Variants in PCAT6 observed in about 807,000 individuals in gnomAD.
PCAT6 encodes the protein prostate cancer associated transcript 6.
exon 1 of PCAT6, chr1:202,811,145 A>G (rs1658541123): frequency 2.5e-6 from 1 of 395,512 alleles, no homozygotes; most frequent in East Asian, 3.6e-5. Flanking sequence ...ACTCTTGGAC[A>G]ACACTCCGCC....
chr1:202,811,284 C>G lies in PCAT6; in HGVS notation n.402C>G, dbSNP rs1002589240. Reference sequence around the variant, plus strand: ...CAGACCTCACGTCAACCGGCTGCACCCCACTTTCCAGCCTGCGCCCCAGAT... The same window carrying G: ...CAGACCTCACGTCAACCGGCTGCACGCCACTTTCCAGCCTGCGCCCCAGAT... On this transcript the variant is annotated non_coding_transcript_exon_variant, in exon 1 of 1. Transcript: ENST00000686658. The G allele has an allele frequency of 2.8e-4, 112 of 399,262 alleles. 1 individual carries two copies. In the East Asian group the frequency reaches 4.0e-3, roughly 14 times the overall value. The allele number at this position is 399,262 out of a possible 1,614,324, so 24.7% of individuals were successfully genotyped here. A position where few individuals can be genotyped will look rare whatever the true frequency, so the allele number is the denominator to read the frequency against.
At chr1:202,811,134 T>C (rs968098757) in exon 1 of PCAT6, 13 of 394,128 alleles carry the variant, frequency 3.3e-5, no homozygotes, top group African/African-American at 2.3e-4. Context: ...ACCCCCTCCT[T>C]ACTCTTGGAC....
chr1:202,811,327 A>G, exon 1 of PCAT6: 1 of 398,688 alleles, frequency 2.5e-6, no homozygotes, highest in Non-Finnish European at 4.4e-6. Context: ...CTTCGCCCCT[A>G]GATACACCCG....
exon 1 of PCAT6, chr1:202,811,149 C>T (rs1288620424): frequency 2.5e-6 from 1 of 396,240 alleles, no homozygotes; most frequent in African/African-American, 2.1e-5. Context: ...TTGGACAACA[C>T]TCCGCCCCCG....
chr1:202,811,015 G>C (rs1571474341), exon 1 of PCAT6: 1 of 275,962 alleles, frequency 3.6e-6, no homozygotes, highest in Non-Finnish European at 6.8e-6. Context: ...CAGAGGGCTG[G>C]GTGCGAGGCC....
chr1:202,811,370 GGT>G (rs1658547148), exon 1 of PCAT6: 1 of 398,574 alleles, frequency 2.5e-6, no homozygotes, highest in African/African-American at 2.1e-5. Context: ...CGTTCCTTCC[GGT>G]AACCGCGTTG....
exon 1 of PCAT6, chr1:202,811,166 C>G (rs1283297616): frequency 2.5e-6 from 1 of 397,334 alleles, no homozygotes; most frequent in Non-Finnish European, 4.4e-6. Flanking sequence ...CCCGCCCGGG[C>G]CTCCGTCCCC....
chr1:202,811,173 C>T (rs1390400324), exon 1 of PCAT6: 8 of 396,218 alleles, frequency 2.0e-5, no homozygotes, highest in African/African-American at 1.4e-4. Flanking sequence ...GGGCCTCCGT[C>T]CCCCAAACCG....
exon 1 of PCAT6, chr1:202,811,812 C>T (rs1658557969): frequency 5.7e-6 from 1 of 175,246 alleles, no homozygotes; most frequent in Non-Finnish European, 1.2e-5. Flanking sequence ...TCAGATGTCC[C>T]CTGTGAAACC....
exon 1 of PCAT6, chr1:202,811,125 C>T: frequency 2.5e-6 from 1 of 392,822 alleles, no homozygotes; most frequent in Non-Finnish European, 4.5e-6. Context: ...TCTCCAGGAA[C>T]CCCCTCCTTA....
At chr1:202,811,447 G>A (rs1055679770) in exon 1 of PCAT6, 5 of 398,454 alleles carry the variant, frequency 1.3e-5, no homozygotes, top group African/African-American at 6.2e-5. Context: ...CCTGGGCGCC[G>A]TGCAACTGCC....
chr1:202,811,057 T>C (rs1366977439), exon 1 of PCAT6: 5 of 353,406 alleles, frequency 1.4e-5, no homozygotes, highest in Non-Finnish European at 2.5e-5. Context: ...TCCTAGGCCA[T>C]AGCGGAGCTG....
Position 202,811,050 on chromosome 1 carries a change from T to C in PCAT6, n.168T>C, listed in dbSNP as rs1571474389. 18 of 343,652 alleles carry C rather than the reference T, an allele frequency of 5.2e-5. No individual in the cohort carries two copies. In the East Asian group the frequency reaches 7.3e-4, roughly 14 times the overall value. 21.3% of individuals were successfully genotyped at this position (343,652 alleles called of 1,614,324 possible). A position where few individuals can be genotyped will look rare whatever the true frequency, so the allele number is the denominator to read the frequency against. ...CTAGGCGGGGTCAGGTTCGGGTTCC[T>C]AGGCCATAGCGGAGCTGCAGCCCAG... On this transcript the variant is annotated non_coding_transcript_exon_variant, in exon 1 of 1. Coordinates refer to ENST00000686658, the Ensembl canonical transcript of PCAT6.
chr1:202,811,368 C>T lies in PCAT6; in HGVS notation n.486C>T, dbSNP rs1017990573. On this transcript the variant is annotated non_coding_transcript_exon_variant, in exon 1 of 1. Transcript: ENST00000686658. ...TGATGAGGCGCTCCTCGCGTTCCTT[C>T]CGGTAACCGCGTTGCGAAGACCACG... The T allele has an allele frequency of 2.0e-5, 8 of 398,616 alleles. No individual in the cohort carries two copies. The South Asian group carries it at 5.1e-4, about 25-fold the overall frequency. The allele number at this position is 398,616 out of a possible 1,614,324, so 24.7% of individuals were successfully genotyped here.
exon 1 of PCAT6, chr1:202,811,468 G>C (rs1658549858): frequency 2.5e-6 from 1 of 398,354 alleles, no homozygotes; most frequent in African/African-American, 2.1e-5. Context: ...CTGGGACCGG[G>C]TTCTGGGATG....
At chr1:202,811,159 G>T in exon 1 of PCAT6, 1 of 396,062 alleles carries the variant, frequency 2.5e-6, no homozygotes. Flanking sequence ...CTCCGCCCCC[G>T]CCCGGGCCTC....
exon 1 of PCAT6, chr1:202,811,753 A>C: frequency 4.5e-6 from 1 of 223,658 alleles, no homozygotes; most frequent in Non-Finnish European, 8.6e-6. Flanking sequence ...CTCCAATTCA[A>C]TGCCATCATC....
chr1:202,811,204 G>T, exon 1 of PCAT6: 1 of 396,890 alleles, frequency 2.5e-6, no homozygotes, highest in South Asian at 1.3e-4. Flanking sequence ...TGCAGCGCCA[G>T]ATCCTTCGGA....
At chr1:202,811,245 G>T in exon 1 of PCAT6, 1 of 398,938 alleles carries the variant, frequency 2.5e-6, no homozygotes, top group East Asian at 3.6e-5. Context: ...TCCTCATTCG[G>T]TCCATCCAAC....
Sources: allele counts gnomAD v4.1 joint callset, GRCh38; gene constraint gnomAD v4.1.1; transcripts MANE v1.5; gene names NCBI Gene and HGNC (gene_info 2026-07-23, HGNC 2026-07-21).